Variants in VPS8 observed in about 807,000 individuals in gnomAD.
VPS8 encodes VPS8 subunit of CORVET complex.
A neutral mutation model predicts 216.4 loss-of-function variants in VPS8; 129 were observed. The observed-to-expected ratio is 0.60, with a 90% confidence interval of 0.52 to 0.69. The LOEUF is 0.69. VPS8 is among the 30% of genes least tolerant of loss of function. The pLI is 0.00. For missense variants in VPS8, 1,531 were observed against 1,683.5 expected (o/e 0.91, Z 1.59); for synonymous variants, 571 against 565.4 (o/e 1.01, Z -0.14).
chr3:184,832,698 G>A lies in VPS8; in HGVS notation c.232G>A (p.Glu78Lys). 1.3e-6 allele frequency: 2 copies of A among 1,599,314 alleles called. No individual in the cohort carries two copies. Among genetic ancestry groups the A allele is most frequent in the Non-Finnish European group, 8.5e-7 (1 of 1,171,776 alleles). The change falls in exon 4 of 48, where the codon GAA becomes AAA. Residue 78 changes from glutamate (E) to lysine (K), a missense_variant. This residue lies in a region of VPS8 where 199 missense variants were observed against 182.2 expected (regional missense o/e 1.09). Coordinates refer to ENST00000625842, the MANE Select transcript of VPS8 (RefSeq NM_001009921.3). ...TCTTCTTCCAATTTAGACTGATGAT[G>A]AAGATGAGTCTTTTATTCTTGAGGA... The part of the protein sequence containing the change: ...LESILNETDD[E>K]DESFILEDPT...
intron 42 of VPS8, among the ~76,000 whole-genome samples, chr3:184,986,625 A>G (rs1462427437): frequency 2.6e-5 from 4 of 152,228 alleles, no homozygotes; most frequent in Non-Finnish European, 5.9e-5. Flanking sequence ...TCTCAGAGGA[A>G]TAAACCCTAA....
At chr3:184,910,536 G>GT (rs955854488) in intron 25 of VPS8, among the ~76,000 whole-genome samples, 1 of 152,260 alleles carries the variant, frequency 6.6e-6, no homozygotes, top group African/African-American at 2.4e-5. Context: ...CTTGATCCTG[G>GT]TTTTTTGTCT....
intron 26 of VPS8, among the ~76,000 whole-genome samples, 160 bp from the exon 27 acceptor site, chr3:184,914,821 G>A (rs1560653663): frequency 6.6e-6 from 1 of 152,156 alleles, no homozygotes; most frequent in Non-Finnish European, 1.5e-5. Flanking sequence ...TTTCTAAACT[G>A]GGTGTCATCT....
intron 16 of VPS8, 126 bp from the exon 17 acceptor site, chr3:184,866,750 A>G: frequency 2.4e-6 from 2 of 819,758 alleles, no homozygotes; most frequent in Non-Finnish European, 3.8e-6. Context: ...TAAGTTACAC[A>G]TTGTAAACTA....
intron 40 of VPS8, chr3:184,982,333 C>T (rs538708844): frequency 1.4e-4 from 71 of 496,172 alleles, no homozygotes; most frequent in Admixed American, 6.3e-4. Flanking sequence ...CTTACGTTTC[C>T]CAGGGCTTCA....
At chr3:185,034,710 T>C (rs1758647163) in intron 46 of VPS8, among the ~76,000 whole-genome samples, 1 of 152,170 alleles carries the variant, frequency 6.6e-6, no homozygotes, top group African/African-American at 2.4e-5. Flanking sequence ...AGATGCTCTT[T>C]AGTTTAATTA....
At chr3:184,922,586 G>C (rs1169392040) in intron 29 of VPS8, 3 of 315,838 alleles carry the variant, frequency 9.5e-6, no homozygotes, top group Non-Finnish European at 1.9e-5. Flanking sequence ...TTCTGTTGGT[G>C]ACTTGCCATT....
Position 184,886,166 on chromosome 3 carries a change from C to G in VPS8, c.1781+10C>G. On this transcript the variant is annotated intron_variant, in intron 22 of 47. Transcript: ENST00000625842. The stretch of plus-strand genomic sequence containing the variant: ...TTCTGCTGCAGCGAAAGTGAGTATG[C>G]GTTGCCTGTCACATTCAATTATTTT... The G allele has an allele frequency of 6.2e-7, 1 of 1,602,948 alleles. No individual in the cohort carries two copies. Among genetic ancestry groups the G allele is most frequent in the East Asian group, 2.2e-5 (1 of 44,586 alleles).
At position 184,834,689 on chromosome 3, in the gene VPS8, G is replaced by T; in HGVS notation, c.394G>T (p.Val132Phe). 1 of 1,561,678 alleles carries T rather than the reference G, an allele frequency of 6.4e-7. No individual in the cohort carries two copies. Among genetic ancestry groups the T allele is most frequent in the Non-Finnish European group, 8.7e-7 (1 of 1,151,976 alleles). ...LPDSFSLHGS[V>F]MRHSLLKGIS... is the part of the protein sequence containing the mutation. ...TGATTCTTTTTCACTTCATGGATCA[G>T]TTATGCGCCATTCACTTTTGAAGGG... Residue 132 changes from valine (V) to phenylalanine (F), a missense_variant, in exon 5 of 48, where the codon GTT becomes TTT. Transcript: ENST00000625842.
intron 46 of VPS8, among the ~76,000 whole-genome samples, chr3:185,032,026 T>G (rs1395321565): frequency 6.6e-6 from 1 of 151,916 alleles, no homozygotes; most frequent in Non-Finnish European, 1.5e-5. Flanking sequence ...TAGCCAGGCG[T>G]GATGGTGGGC....
At chr3:184,891,005 G>A (rs1386864270) in intron 22 of VPS8, among the ~76,000 whole-genome samples, 1 of 151,806 alleles carries the variant, frequency 6.6e-6, no homozygotes, top group Non-Finnish European at 1.5e-5. Context: ...CCTAATGTCA[G>A]TTTTACTTTG....
rs187301342 is a variant in VPS8, at chr3:184,981,740, A to G, written c.3421-826A>G. On this transcript the variant is annotated intron_variant, in intron 40 of 47. Coordinates refer to ENST00000625842, the MANE Select transcript of VPS8 (RefSeq NM_001009921.3). ...CGTGAGCCACCATGCCTGGCCATTC[A>G]TTAATAAATATTTTTCCTAAGGTTT... 1.3e-3 allele frequency among the ~76,000 whole-genome samples: 191 copies of G among 152,198 alleles called. 1 individual carries two copies. Among genetic ancestry groups the G allele is most frequent in the Non-Finnish European group, 2.2e-4 (15 of 68,016 alleles).
intron 1 of VPS8, among the ~76,000 whole-genome samples, chr3:184,822,336 G>A (rs1048997455): frequency 1.3e-5 from 2 of 152,212 alleles, no homozygotes; most frequent in African/African-American, 2.4e-5. Context: ...TAGCTTGGTG[G>A]GATGATGTCT....
At chr3:185,004,705 A>G (rs925236253) in intron 45 of VPS8, among the ~76,000 whole-genome samples, 3 of 151,376 alleles carry the variant, frequency 2.0e-5, no homozygotes, top group Admixed American at 1.3e-4. Flanking sequence ...CCACTTTTTG[A>G]TGGGGTTGTT....
At chr3:184,960,792 T>G (rs1322292721) in intron 37 of VPS8, among the ~76,000 whole-genome samples, 4 of 152,166 alleles carry the variant, frequency 2.6e-5, no homozygotes, top group Non-Finnish European at 5.9e-5. Context: ...AGGATCACAG[T>G]TCACTGTGAA....
At chr3:185,038,702 T>C (rs1759233217) in intron 46 of VPS8, among the ~76,000 whole-genome samples, 1 of 152,220 alleles carries the variant, frequency 6.6e-6, no homozygotes, top group African/African-American at 2.4e-5. Context: ...ATCTCTGAGC[T>C]GGGGCTCTGG....
chr3:184,869,806 T>C (rs1728021255), intron 20 of VPS8, among the ~76,000 whole-genome samples: 1 of 152,130 alleles, frequency 6.6e-6, no homozygotes, highest in African/African-American at 2.4e-5. Context: ...AGAGGATCAC[T>C]TGAGCCTAGG....
rs543003962 is a variant in VPS8, at chr3:184,997,810, T to A, written c.3836+1309T>A. 1.4e-4 allele frequency among the ~76,000 whole-genome samples: 21 copies of A among 152,234 alleles called. No homozygotes were observed. The South Asian group carries it at 1.5e-3, about 11-fold the overall frequency. Reference sequence around the variant, plus strand: ...ATGAACAGACAACTTAAAAATTAATTAATAGAAAAATAATAGTTACATGAA... The same window carrying A: ...ATGAACAGACAACTTAAAAATTAATAAATAGAAAAATAATAGTTACATGAA... On this transcript the variant is annotated intron_variant, in intron 44 of 47. Coordinates refer to ENST00000625842, the MANE Select transcript of VPS8 (RefSeq NM_001009921.3).
At chr3:184,897,469 T>A (rs1353158478) in intron 23 of VPS8, among the ~76,000 whole-genome samples, 1 of 152,156 alleles carries the variant, frequency 6.6e-6, no homozygotes, top group African/African-American at 2.4e-5. Flanking sequence ...GGAGTTCTGG[T>A]TGGCCATTTT....
Sources: gnomAD v4.1 joint callset for allele counts (sites outside exome capture counted in the v4.1 genomes callset) on GRCh38, gnomAD v4.1.1 for gene constraint, gnomAD v4.1.1 regional missense constraint, MANE v1.5 for transcripts, NCBI Gene and HGNC (gene_info 2026-07-23, HGNC 2026-07-21) for gene names.